GPCPD1: variants seen among roughly 807,000 people sequenced by gnomAD.
GPCPD1 encodes glycerophosphocholine phosphodiesterase 1, also known as glycerophosphocholine phosphodiesterase GPCPD1.
A neutral mutation model predicts 89.2 loss-of-function variants in GPCPD1; 29 were observed. That is an observed-to-expected ratio of 0.33 (90% CI 0.24 to 0.44). The LOEUF (loss-of-function observed/expected upper bound fraction) is 0.44. GPCPD1 is among the 20% of genes least tolerant of loss of function. GPCPD1 has a pLI of 1.00. For synonymous variants in GPCPD1, 258 were observed against 266.3 expected, an observed-to-expected ratio of 0.97 and a Z score of 0.30; for missense variants, 594 against 808.9, an observed-to-expected ratio of 0.73 and a Z score of 3.22.
At chr20:5,606,131 T>A (rs138965432) in intron 1 of GPCPD1, among the ~76,000 whole-genome samples, 4 of 152,192 alleles carry the variant, frequency 2.6e-5, no homozygotes, top group Admixed American at 6.5e-5. Flanking sequence ...CTGTTTCCCA[T>A]CCACTAACTT....
chr20:5,565,227 C>CT (rs200724429), intron 14 of GPCPD1, 149 bp from the exon 15 acceptor site: 17,600 of 479,724 alleles, frequency 0.037, 1 homozygote, highest in East Asian at 0.042. Context: ...TCTGAGATCC[C>CT]TTTTTTTTTT....
At position 5,560,192 on chromosome 20, in the gene GPCPD1, C is replaced by G; in HGVS notation, c.1396-116G>C. 1.2e-5 allele frequency: 7 copies of G among 580,412 alleles called. No individual in the cohort carries two copies. In the South Asian group the frequency reaches 2.0e-4, roughly 17 times the overall value. 36.0% of individuals were successfully genotyped at this position (580,412 alleles called of 1,614,324 possible). Reference sequence around the variant, plus strand: ...AAACCCCTGACAGTATCTAGTCCAACTACTATTTTATAGATGATGAAACCT... The same window carrying G: ...AAACCCCTGACAGTATCTAGTCCAAGTACTATTTTATAGATGATGAAACCT... On this transcript the variant is annotated intron_variant, in intron 16 of 19. Coordinates refer to ENST00000379019, the MANE Select transcript of GPCPD1 (RefSeq NM_019593.5).
In GPCPD1 at chr20:5,545,022, A is replaced by G. The variant is rs945557881; in HGVS notation, c.*2639T>C. ...ATTTACAGCCGATCATTTACAGCACATAATTCCAGAGAGTAGAAAATACCA... is the reference window on the plus strand; with the variant it reads ...ATTTACAGCCGATCATTTACAGCACGTAATTCCAGAGAGTAGAAAATACCA... On this transcript the variant is annotated 3_prime_UTR_variant, in exon 20 of 20. Transcript: ENST00000379019. 6 of 152,144 alleles carry G rather than the reference A, an allele frequency of 3.9e-5. No individual in the cohort carries two copies. Among genetic ancestry groups the G allele is most frequent in the Non-Finnish European group, 8.8e-5 (6 of 68,022 alleles). 9.4% of individuals were successfully genotyped at this position (152,144 alleles called of 1,614,324 possible). A position where few individuals can be genotyped will look rare whatever the true frequency, so the allele number is the denominator to read the frequency against.
rs750463019 is a variant in GPCPD1 at position 5,558,124 on chromosome 20, G to GT, written c.1669-20dup. Reference sequence around the variant, plus strand: ...TTATCCCCTAGAAGAAGAAAAATTAGTTGTGCATGAAAAAGAAACATTAAC... The same window carrying GT: ...TTATCCCCTAGAAGAAGAAAAATTAGTTTGTGCATGAAAAAGAAACATTAAC... On this transcript the variant is annotated intron_variant, in intron 18 of 19. Transcript: ENST00000379019. The GT allele has an allele frequency of 6.6e-7, 1 of 1,519,198 alleles. No individual in the cohort carries two copies. Among genetic ancestry groups the GT allele is most frequent in the Admixed American group, 2.0e-5 (1 of 50,696 alleles). 94.1% of individuals were successfully genotyped at this position (1,519,198 alleles called of 1,614,324 possible). A position where few individuals can be genotyped will look rare whatever the true frequency, so the allele number is the denominator to read the frequency against.
At chr20:5,582,208 A>AC (rs1978578181) in intron 6 of GPCPD1, among the ~76,000 whole-genome samples, 1 of 144,838 alleles carries the variant, frequency 6.9e-6, no homozygotes, top group African/African-American at 2.6e-5. Context: ...AAAAAAAAAA[A>AC]AAAAAAAAAA....
chr20:5,572,798 A>C (rs1986795463), intron 11 of GPCPD1, among the ~76,000 whole-genome samples: 1 of 109,018 alleles, frequency 9.2e-6, no homozygotes, highest in Admixed American at 8.6e-5. Flanking sequence ...ACAGACTCTA[A>C]CTGGATTAAA....
intron 3 of GPCPD1, among the ~76,000 whole-genome samples, chr20:5,593,674 T>C (rs1979494712): frequency 6.6e-6 from 1 of 152,196 alleles, no homozygotes; most frequent in Admixed American, 6.5e-5. Context: ...AACGAAGTTC[T>C]GGAGGAGGCT....
intron 19 of GPCPD1, chr20:5,549,369 G>A: frequency 8.3e-7 from 1 of 1,198,406 alleles, no homozygotes; most frequent in South Asian, 1.2e-5. Flanking sequence ...CATATAGAGA[G>A]GGTATACAAG....
chr20:5,550,034 A>T (rs1340474012), intron 19 of GPCPD1, among the ~76,000 whole-genome samples: 3 of 151,938 alleles, frequency 2.0e-5, no homozygotes, highest in Non-Finnish European at 4.4e-5. Context: ...CTCTACTAAA[A>T]TACAAAAAAT....
chr20:5,593,423 G>C lies in GPCPD1; in HGVS notation c.147-12C>G. 1 of 1,469,634 alleles carries C rather than the reference G, an allele frequency of 6.8e-7. No homozygotes were observed. The highest frequency in any genetic ancestry group is 1.1e-5 in the South Asian group (1 of 87,204). The allele number at this position is 1,469,634 out of a possible 1,614,324, so 91.0% of individuals were successfully genotyped here. A position where few individuals can be genotyped will look rare whatever the true frequency, so the allele number is the denominator to read the frequency against. Reference sequence around the variant, plus strand: ...CTTTCCATAGCATGCTGTGAAGAAAGAAAATTAAAAGCAGCAGCATCAATA... The same window carrying C: ...CTTTCCATAGCATGCTGTGAAGAAACAAAATTAAAAGCAGCAGCATCAATA... On this transcript the variant is annotated splice_polypyrimidine_tract_variant and intron_variant, in intron 3 of 19. Transcript: ENST00000379019.
intron 19 of GPCPD1, chr20:5,548,391 T>G (rs1421407697): frequency 6.6e-6 from 1 of 152,342 alleles, no homozygotes; most frequent in Non-Finnish European, 1.5e-5. Flanking sequence ...TGTGCCTGAA[T>G]GTGACAGCCA....
chr20:5,547,696 C>T lies in GPCPD1; in HGVS notation c.1984G>A (p.Asp662Asn), dbSNP rs1985104966. Residue 662 changes from aspartate (D) to asparagine (N), a missense_variant, in exon 20 of 20, where the codon GAT (aspartate) becomes AAT (asparagine). Asp to Asn is a conservative substitution (Grantham distance 23). Coordinates refer to ENST00000379019, the MANE Select transcript of GPCPD1 (RefSeq NM_019593.5). ...TCCACGTTATCAATGCCGTTGGCATCCACATGGATATCAGACTCCCCACAC... is the reference window on the plus strand; with the variant it reads ...TCCACGTTATCAATGCCGTTGGCATTCACATGGATATCAGACTCCCCACAC... ...SLCGESDIHV[D>N]ANGIDNVENA is the part of the protein sequence containing the mutation. 6.2e-7 allele frequency: 1 copy of T among 1,608,426 alleles called. No homozygotes were observed. Among genetic ancestry groups the T allele is most frequent in the Admixed American group, 1.7e-5 (1 of 59,566 alleles).
At chr20:5,595,793 CA>C (rs1342537676) in intron 3 of GPCPD1, among the ~76,000 whole-genome samples, 2 of 135,378 alleles carry the variant, frequency 1.5e-5, no homozygotes, top group African/African-American at 5.6e-5. Context: ...TCTGCTACCC[CA>C]AAAAGAAAAA....
intron 8 of GPCPD1, among the ~76,000 whole-genome samples, chr20:5,577,864 C>T (rs1421977230): frequency 6.6e-6 from 1 of 152,180 alleles, no homozygotes; most frequent in Non-Finnish European, 1.5e-5. Flanking sequence ...GTGTAAGTAT[C>T]ACATGTAGCT....
chr20:5,592,170 A>G (rs1263906173), intron 4 of GPCPD1, among the ~76,000 whole-genome samples: 1 of 152,218 alleles, frequency 6.6e-6, no homozygotes, highest in Non-Finnish European at 1.5e-5. Context: ...AGTTGGTTTC[A>G]CATATTACAA....
At chr20:5,594,910 CATA>C (rs915439669) in intron 3 of GPCPD1, among the ~76,000 whole-genome samples, 2 of 152,184 alleles carry the variant, frequency 1.3e-5, no homozygotes, top group Non-Finnish European at 2.9e-5. Flanking sequence ...TGGCAAATCT[CATA>C]ATGTTTCAAA....
chr20:5,564,339 A>C (rs199986018), intron 15 of GPCPD1, among the ~76,000 whole-genome samples: 30,717 of 151,102 alleles, frequency 0.2, 3,189 homozygotes, highest in East Asian at 0.27. Context: ...AAAAAAAAAA[A>C]ACCAAAAACT....
intron 19 of GPCPD1, among the ~76,000 whole-genome samples, chr20:5,557,032 T>G (rs1985810414): frequency 6.6e-6 from 1 of 152,218 alleles, no homozygotes. Flanking sequence ...CTCACTGAGG[T>G]GACATTTAAA....
rs748276655 is a variant in GPCPD1, at chr20:5,567,565, A to T, written c.1150-5T>A. 6.0e-6 allele frequency: 5 copies of T among 828,328 alleles called. No individual in the cohort carries two copies. The highest frequency in any genetic ancestry group is 2.5e-5 in the South Asian group (1 of 40,582). 51.3% of individuals were successfully genotyped at this position (828,328 alleles called of 1,614,324 possible). ...AACTGGATCAGCATCAAATTTCTAAAAAAAAAAAAAAAAGAAAGAAAGAAA... is the reference window on the plus strand; with the variant it reads ...AACTGGATCAGCATCAAATTTCTAATAAAAAAAAAAAAAGAAAGAAAGAAA... On this transcript the variant is annotated splice_region_variant and splice_polypyrimidine_tract_variant and intron_variant, in intron 12 of 19. Coordinates refer to ENST00000379019, the MANE Select transcript of GPCPD1 (RefSeq NM_019593.5).
Sources: allele counts gnomAD v4.1 joint callset (sites outside exome capture counted in the v4.1 genomes callset), GRCh38; gene constraint gnomAD v4.1.1; transcripts MANE v1.5; gene names NCBI Gene and HGNC (gene_info 2026-07-23, HGNC 2026-07-21).